Variants in SLCO5A1 observed in about 807,000 individuals in gnomAD.
SLCO5A1 encodes the protein solute carrier organic anion transporter family member 5A1.
SLCO5A1 carries 39 observed loss-of-function variants against 65.1 expected under a neutral mutation model. The observed-to-expected ratio is 0.60, with a 90% CI of 0.46 to 0.78. The LOEUF is 0.78. Among genes scored for constraint, SLCO5A1 ranks in the 30% least tolerant of loss-of-function variants. SLCO5A1 has a pLI of 0.00. For missense variants in SLCO5A1, 1,029 were observed against 1,069.4 expected (o/e 0.96, Z 0.53); for synonymous variants, 438 against 415.7 (o/e 1.05, Z -0.65).
At chr8:69,799,001 A>G (rs1355602231) in intron 2 of SLCO5A1, among the ~76,000 whole-genome samples, 1 of 152,244 alleles carries the variant, frequency 6.6e-6, no homozygotes, top group African/African-American at 2.4e-5. Context: ...CTGTCATTAG[A>G]TTGAGAGTCT....
intron 2 of SLCO5A1, among the ~76,000 whole-genome samples, chr8:69,795,566 T>C (rs1193718290): frequency 6.6e-6 from 1 of 152,130 alleles, no homozygotes; most frequent in Non-Finnish European, 1.5e-5. Context: ...GCCCTGTGAC[T>C]TTAAAGGATT....
intron 2 of SLCO5A1, among the ~76,000 whole-genome samples, chr8:69,763,320 A>G (rs1817885879): frequency 6.6e-6 from 1 of 151,892 alleles, no homozygotes; most frequent in African/African-American, 2.4e-5. Flanking sequence ...CAGAAAAAAA[A>G]AAAAGAAAAA....
chr8:69,719,470 A>C (rs2130825110), intron 5 of SLCO5A1, among the ~76,000 whole-genome samples: 1 of 152,360 alleles, frequency 6.6e-6, no homozygotes, highest in South Asian at 2.1e-4. Flanking sequence ...GTAGGAAGTT[A>C]AGAAAATAAC....
At chr8:69,749,601 G>C (rs967677914) in intron 4 of SLCO5A1, among the ~76,000 whole-genome samples, 1 of 151,686 alleles carries the variant, frequency 6.6e-6, no homozygotes. Flanking sequence ...GCAAGACAGA[G>C]TGAGACAAAG....
intron 4 of SLCO5A1, among the ~76,000 whole-genome samples, chr8:69,750,316 T>G (rs1248815213): frequency 2.0e-5 from 3 of 151,976 alleles, no homozygotes; most frequent in Non-Finnish European, 4.4e-5. Context: ...AGTCGAAACC[T>G]CTCCACTGGG....
rs142055568 is a variant in SLCO5A1 at position 69,809,839 on chromosome 8, A to G, written c.907+21928T>C. On this transcript the variant is annotated intron_variant, in intron 2 of 9. Transcript: ENST00000260126. The stretch of plus-strand genomic sequence containing the variant: ...TGCTAGGATGGGTGAGCATTGCTCT[A>G]TTACCTGCCTCCTGGAGATCGGTAG... Among the ~76,000 whole-genome samples the G allele has an allele frequency of 9.7e-4, 148 of 152,022 alleles. 2 individuals carry two copies. The East Asian group carries it at 0.025, about 26-fold the overall frequency.
At chr8:69,723,164 T>G (rs572000493) in intron 5 of SLCO5A1, among the ~76,000 whole-genome samples, 5 of 152,330 alleles carry the variant, frequency 3.3e-5, no homozygotes, top group Admixed American at 6.5e-5. Context: ...TAAAACTATT[T>G]TTTATTCTGT....
At chr8:69,728,705 AACAC>A (rs898423297) in intron 5 of SLCO5A1, among the ~76,000 whole-genome samples, 1 of 152,052 alleles carries the variant, frequency 6.6e-6, no homozygotes, top group Admixed American at 6.5e-5. Flanking sequence ...CATACATACA[AACAC>A]ACACACACTT....
chr8:69,710,019 C>CTTTTTTTT (rs33961429), intron 5 of SLCO5A1, among the ~76,000 whole-genome samples: 1,777 of 122,768 alleles, frequency 0.014, 79 homozygotes, highest in African/African-American at 0.047. Context: ...TCGGCAACAG[C>CTTTTTTTT]TTTTTTTTTT....
intron 5 of SLCO5A1, among the ~76,000 whole-genome samples, chr8:69,729,467 A>G (rs1816239563): frequency 6.6e-6 from 1 of 151,262 alleles, no homozygotes; most frequent in Admixed American, 6.6e-5. Flanking sequence ...AAAAAAAAAA[A>G]AAAAAGATAA....
chr8:69,780,941 A>G, intron 2 of SLCO5A1, among the ~76,000 whole-genome samples: 1 of 152,250 alleles, frequency 6.6e-6, no homozygotes, highest in East Asian at 1.9e-4. Flanking sequence ...CTAAATGAAA[A>G]AGAAGCTCAT....
intron 2 of SLCO5A1, among the ~76,000 whole-genome samples, chr8:69,768,977 C>A (rs533409275): frequency 3.2e-4 from 48 of 152,282 alleles, no homozygotes; most frequent in South Asian, 8.3e-4. Context: ...GTGCTTCCAC[C>A]CCGTTCACTC....
At chr8:69,780,992 C>T (rs1445783248) in intron 2 of SLCO5A1, among the ~76,000 whole-genome samples, 1 of 152,130 alleles carries the variant, frequency 6.6e-6, no homozygotes, top group African/African-American at 2.4e-5. Flanking sequence ...AATAGGCTTC[C>T]ATAAGGATGG....
chr8:69,805,808 G>C (rs565567073), intron 2 of SLCO5A1, among the ~76,000 whole-genome samples: 9 of 152,292 alleles, frequency 5.9e-5, no homozygotes, highest in African/African-American at 2.2e-4. Flanking sequence ...TAGCAGCGTT[G>C]GGGAGGCTCA....
intron 5 of SLCO5A1, among the ~76,000 whole-genome samples, chr8:69,731,522 A>G (rs1164809737): frequency 2.6e-5 from 4 of 152,224 alleles, no homozygotes; most frequent in Non-Finnish European, 5.9e-5. Flanking sequence ...AGAACCTGCC[A>G]CATGGTAGAC....
Position 69,669,520 on chromosome 8 carries a change from AAAT to A in SLCO5A1, c.*3346_*3348del, listed in dbSNP as rs1223131399. 1 of 152,162 alleles carries A rather than the reference AAAT, an allele frequency of 6.6e-6. No individual in the cohort carries two copies. Among genetic ancestry groups the A allele is most frequent in the Non-Finnish European group, 1.5e-5 (1 of 68,044 alleles). 9.4% of individuals were successfully genotyped at this position (152,162 alleles called of 1,614,324 possible). A position where few individuals can be genotyped will look rare whatever the true frequency, so the allele number is the denominator to read the frequency against. The stretch of plus-strand genomic sequence containing the variant: ...TCTTGGTTTCATATGTTTTTTAAAA[AAAT>A]AATAAAATCAGCCGGGCATGGTGGC... On this transcript the variant is annotated 3_prime_UTR_variant, in exon 10 of 10. Transcript: ENST00000260126.
In SLCO5A1 at chr8:69,793,425, CAT is replaced by C. The variant is rs540341857; in HGVS notation, c.908-31552_908-31551del. On this transcript the variant is annotated intron_variant, in intron 2 of 9. Coordinates refer to ENST00000260126, the MANE Select transcript of SLCO5A1 (RefSeq NM_030958.3). ...CTACCCAGAGATGGCTACTTTCACA[CAT>C]GTTTATCCTTTGAGTCTTTTTTTTC... 7.5e-3 allele frequency among the ~76,000 whole-genome samples: 1,145 copies of C among 152,044 alleles called. 14 individuals carry two copies. Among genetic ancestry groups the C allele is most frequent in the African/African-American group, 0.026 (1,091 of 41,464 alleles).
intron 5 of SLCO5A1, among the ~76,000 whole-genome samples, chr8:69,715,334 T>C (rs370175358): frequency 5.9e-5 from 9 of 152,332 alleles, no homozygotes; most frequent in African/African-American, 2.2e-4. Flanking sequence ...GACGTTGGTA[T>C]CAATTTTCTG....
rs1384173862 is a variant in SLCO5A1 at position 69,669,251 on chromosome 8, G to T, written c.*3618C>A. The T allele has an allele frequency of 6.6e-6, 1 of 151,972 alleles. No homozygotes were observed. The highest frequency in any genetic ancestry group is 1.5e-5 in the Non-Finnish European group (1 of 68,012). The allele number at this position is 151,972 out of a possible 1,614,324, so 9.4% of individuals were successfully genotyped here. ...ACATTAAATCTTGATATTTCCTACAGATGTTTCCTACAGTTTTTTTTATTT... is the reference window on the plus strand; with the variant it reads ...ACATTAAATCTTGATATTTCCTACATATGTTTCCTACAGTTTTTTTTATTT... On this transcript the variant is annotated 3_prime_UTR_variant, in exon 10 of 10. Transcript: ENST00000260126.
Sources: allele counts gnomAD v4.1 joint callset (sites outside exome capture counted in the v4.1 genomes callset), GRCh38; gene constraint gnomAD v4.1.1; transcripts MANE v1.5; gene names NCBI Gene and HGNC (gene_info 2026-07-23, HGNC 2026-07-21).